The following FOXN3 variants were observed in gnomAD, a reference collection of about 807,000 sequenced individuals.
FOXN3 encodes the protein forkhead box N3.
FOXN3 carries 7 observed loss-of-function variants against 38.4 expected under a neutral mutation model. That is an observed-to-expected ratio of 0.18 (90% confidence interval 0.10 to 0.34). The LOEUF (loss-of-function observed/expected upper bound fraction) is 0.34, where lower values mean the gene tolerates loss of function less well. FOXN3 is among the 10% of genes least tolerant of loss of function. The pLI, the probability that FOXN3 is intolerant of heterozygous loss-of-function variation, is 1.00. For synonymous variants in FOXN3, 230 were observed against 242.2 expected (o/e 0.95, Z 0.47); for missense variants, 456 against 613.4 (o/e 0.74, Z 2.71).
chr14:89,280,667 A>G (rs1886430156), intron 4 of FOXN3, among the ~76,000 whole-genome samples: 1 of 152,180 alleles, frequency 6.6e-6, no homozygotes, highest in Non-Finnish European at 1.5e-5. Context: ...ACATCACCAA[A>G]GCAAGCCGAA....
At position 89,162,777 on chromosome 14, in the gene FOXN3, G is replaced by A; in HGVS notation, c.1044C>T (p.Thr348=). The A allele has an allele frequency of 6.2e-7, 1 of 1,612,998 alleles. No homozygotes were observed. The highest frequency in any genetic ancestry group is 2.2e-5 in the East Asian group (1 of 44,856). ...SSADDHYEFA[T]KGSQEGSEGS... is the part of the protein sequence containing the mutation. The stretch of plus-strand genomic sequence containing the variant: ...CCTCGCTGCCCTCCTGGCTCCCCTT[G>A]GTGGCAAACTCATAGTGGTCGTCGG... Residue 348 remains threonine (T), a synonymous_variant, in exon 6 of 6, where the codon ACC becomes ACT. Transcript: ENST00000557258. The surrounding 1 kb of genome is among the most constrained non-coding windows in gnomAD (Gnocchi z 7.2).
intron 4 of FOXN3, among the ~76,000 whole-genome samples, chr14:89,279,911 T>C (rs945827277): frequency 6.6e-6 from 1 of 152,224 alleles, no homozygotes; most frequent in Non-Finnish European, 1.5e-5. Flanking sequence ...TACATGTCTC[T>C]CTTCTTAACC....
In FOXN3 at chr14:89,211,651, C is replaced by A. The variant is rs190037326; in HGVS notation, c.746-30845G>T. Among the ~76,000 whole-genome samples, 271 of 152,288 alleles carry A rather than the reference C, an allele frequency of 1.8e-3. 2 individuals are homozygous for A. Among genetic ancestry groups the A allele is most frequent in the Middle Eastern group, 3.4e-3 (1 of 294 alleles). Reference sequence around the variant, plus strand: ...AAGGGTCCATAGCTTTTATCCAATTCTTTTAGGAGTGGATTATACAGAAAG... The same window carrying A: ...AAGGGTCCATAGCTTTTATCCAATTATTTTAGGAGTGGATTATACAGAAAG... On this transcript the variant is annotated intron_variant, in intron 4 of 5. Coordinates refer to ENST00000557258, the MANE Select transcript of FOXN3 (RefSeq NM_005197.4).
chr14:89,159,231 A>G lies in FOXN3; in HGVS notation c.*3183T>C, dbSNP rs1887045043. ...ACTACAAACAGCCACATACACATTG[A>G]TACTTTTTGTTTTTGTTCTCAACAA... On this transcript the variant is annotated 3_prime_UTR_variant, in exon 6 of 6. Transcript: ENST00000557258. 1 of 152,648 alleles carries G rather than the reference A, an allele frequency of 6.6e-6. No individual in the cohort carries two copies. The highest frequency in any genetic ancestry group is 1.5e-5 in the Non-Finnish European group (1 of 68,048). The allele number at this position is 152,648 out of a possible 1,614,324, so 9.5% of individuals were successfully genotyped here. A position where few individuals can be genotyped will look rare whatever the true frequency, so the allele number is the denominator to read the frequency against.
At chr14:89,178,627 T>A (rs2077650890) in intron 5 of FOXN3, among the ~76,000 whole-genome samples, 1 of 152,068 alleles carries the variant, frequency 6.6e-6, no homozygotes, top group South Asian at 2.1e-4. Context: ...GAAACAAGAC[T>A]GTTTGCTGCA....
At chr14:89,204,804 A>G (rs1159340991) in intron 4 of FOXN3, among the ~76,000 whole-genome samples, 1 of 151,652 alleles carries the variant, frequency 6.6e-6, no homozygotes. Flanking sequence ...CCATCCATCC[A>G]TCCATCCATC....
Position 89,464,747 on chromosome 14 carries a change from G to A in FOXN3, c.-14-52257C>T, listed in dbSNP as rs1260813208. 2.0e-5 allele frequency among the ~76,000 whole-genome samples: 3 copies of A among 152,034 alleles called. No homozygotes were observed. The East Asian group carries it at 5.8e-4, about 29-fold the overall frequency. The stretch of plus-strand genomic sequence containing the variant: ...GGAGTCTTGCTCTGTCGCCAAGCTG[G>A]GGTACAATGGCACGATCTCAGCTCA... On this transcript the variant is annotated intron_variant, in intron 1 of 6. Coordinates refer to the FOXN3 transcript ENST00000345097.
At chr14:89,557,219 C>A (rs1895145789) in intron 1 of FOXN3, among the ~76,000 whole-genome samples, 1 of 152,154 alleles carries the variant, frequency 6.6e-6, no homozygotes, top group Non-Finnish European at 1.5e-5. Flanking sequence ...CGATTTCATC[C>A]TTTGGTTAGT....
intron 3 of FOXN3, among the ~76,000 whole-genome samples, chr14:89,286,199 G>A (rs1379172474): frequency 1.6e-4 from 25 of 151,952 alleles, no homozygotes; most frequent in Admixed American, 1.4e-3. Flanking sequence ...AGGGAGGGAA[G>A]AAGGGAGGGG....
intron 3 of FOXN3, among the ~76,000 whole-genome samples, chr14:89,300,704 G>T (rs745868335): frequency 8.5e-5 from 13 of 152,188 alleles, no homozygotes; most frequent in Non-Finnish European, 1.6e-4. Context: ...ACATAGAAGG[G>T]ACACCTCGAT....
At chr14:89,330,178 G>A (rs1008993177) in intron 3 of FOXN3, among the ~76,000 whole-genome samples, 2 of 152,196 alleles carry the variant, frequency 1.3e-5, no homozygotes, top group Non-Finnish European at 1.5e-5. Context: ...CAGGGTGGCT[G>A]GAAGCACAAA....
chr14:89,426,518 C>T (rs1313578504), intron 1 of FOXN3, among the ~76,000 whole-genome samples: 3 of 151,948 alleles, frequency 2.0e-5, no homozygotes, highest in East Asian at 1.9e-4. Context: ...CCACCATGCC[C>T]GGGCAGGAGT....
intron 1 of FOXN3, among the ~76,000 whole-genome samples, chr14:89,498,757 T>C (rs528444179): frequency 8.7e-5 from 11 of 127,096 alleles, no homozygotes; most frequent in African/African-American, 3.4e-4. Flanking sequence ...AGGCATCCTA[T>C]GGACAGAGCT....
Position 89,291,307 on chromosome 14 carries a change from G to A in FOXN3, c.681-10293C>T, listed in dbSNP as rs569899248. 10 of 496,152 alleles carry A rather than the reference G, an allele frequency of 2.0e-5. No individual in the cohort carries two copies. The East Asian group carries it at 2.4e-4, about 12-fold the overall frequency. The allele number at this position is 496,152 out of a possible 1,614,324, so 30.7% of individuals were successfully genotyped here. A position where few individuals can be genotyped will look rare whatever the true frequency, so the allele number is the denominator to read the frequency against. On this transcript the variant is annotated intron_variant, in intron 3 of 5. Coordinates refer to ENST00000557258, the MANE Select transcript of FOXN3 (RefSeq NM_005197.4). ...ATTTGGGTTTCAGAAATGCAGCCAC[G>A]CATTCTCTCGGGGTTGTTGGTCATG...
At chr14:89,286,226 C>A (rs1284479673) in intron 3 of FOXN3, among the ~76,000 whole-genome samples, 1 of 151,864 alleles carries the variant, frequency 6.6e-6, no homozygotes, top group Admixed American at 6.6e-5. Flanking sequence ...GAAGAAAGAA[C>A]AGAGAGATTG....
rs531409320 is a variant in FOXN3, at chr14:89,397,830, A to G, written c.543+14104T>C. Among the ~76,000 whole-genome samples, 97 of 152,290 alleles carry G rather than the reference A, an allele frequency of 6.4e-4. No individual in the cohort carries two copies. The Middle Eastern group carries it at 0.014, about 21-fold the overall frequency. Reference sequence around the variant, plus strand: ...ATATAATACCTGCTTATAGTTGTTAAAAAGATGTAAGACCATGGATACAAA... The same window carrying G: ...ATATAATACCTGCTTATAGTTGTTAGAAAGATGTAAGACCATGGATACAAA... On this transcript the variant is annotated intron_variant, in intron 2 of 5. Transcript: ENST00000557258.
chr14:89,534,197 C>G (rs1357878202), intron 1 of FOXN3, among the ~76,000 whole-genome samples: 1 of 150,770 alleles, frequency 6.6e-6, no homozygotes, highest in Non-Finnish European at 1.5e-5. Flanking sequence ...CCTCTGCCTC[C>G]CGGGTTCAAG....
intron 1 of FOXN3, among the ~76,000 whole-genome samples, chr14:89,546,820 G>T (rs1271682646): frequency 6.6e-6 from 1 of 151,890 alleles, no homozygotes; most frequent in Non-Finnish European, 1.5e-5. Context: ...GTCTCGCTCT[G>T]TCAGCCAGTC....
At chr14:89,239,699 G>GT (rs1336327153) in intron 4 of FOXN3, among the ~76,000 whole-genome samples, 5 of 152,146 alleles carry the variant, frequency 3.3e-5, no homozygotes, top group Admixed American at 2.0e-4. Flanking sequence ...ACTGTCAATC[G>GT]TTTTATTTAT....
Sources: allele counts gnomAD v4.1 joint callset (sites outside exome capture counted in the v4.1 genomes callset), GRCh38; gene constraint gnomAD v4.1.1; non-coding constraint Gnocchi (gnomAD v3.1); transcripts MANE v1.5; gene names NCBI Gene and HGNC (gene_info 2026-07-23, HGNC 2026-07-21).